The following CLIP2 variants were observed in gnomAD, a reference collection of about 807,000 sequenced individuals.
CLIP2 encodes CAP-Gly domain-containing linker protein 2.
Under a neutral mutation model 111.7 loss-of-function variants are expected in CLIP2, and 41 were observed. That is an observed-to-expected ratio of 0.37 (90% confidence interval 0.29 to 0.48). The LOEUF is 0.48. Among genes scored for constraint, CLIP2 ranks in the 20% least tolerant of loss-of-function variants. CLIP2 has a pLI of 0.99. For synonymous variants in CLIP2, 660 were observed against 644.2 expected, an observed-to-expected ratio of 1.02 and a Z score of -0.37; for missense variants, 1,160 against 1,422.1, an observed-to-expected ratio of 0.82 and a Z score of 2.96.
chr7:74,371,099 C>G (rs1790602608), intron 8 of CLIP2, among the ~76,000 whole-genome samples: 1 of 152,052 alleles, frequency 6.6e-6, no homozygotes, highest in Non-Finnish European at 1.5e-5. Flanking sequence ...CAAAAGTTAG[C>G]TGGGCATGAT....
intron 8 of CLIP2, among the ~76,000 whole-genome samples, chr7:74,365,364 C>T (rs1166707522): frequency 2.6e-5 from 4 of 152,122 alleles, no homozygotes; most frequent in Admixed American, 1.3e-4. Context: ...GAAACAGCAT[C>T]GGGAGCTAAG....
intron 6 of CLIP2, among the ~76,000 whole-genome samples, chr7:74,359,019 C>G (rs113084376): frequency 6.6e-4 from 100 of 152,212 alleles, no homozygotes; most frequent in African/African-American, 2.2e-3. Flanking sequence ...GGCTGGAGTG[C>G]AGTAACACGA....
At chr7:74,362,419 T>G (rs987736694) in intron 7 of CLIP2, among the ~76,000 whole-genome samples, 1 of 152,154 alleles carries the variant, frequency 6.6e-6, no homozygotes, top group Non-Finnish European at 1.5e-5. Flanking sequence ...TTCAGGGAGA[T>G]GAGGGTGTAT....
At chr7:74,345,041 G>C (rs906096815) in intron 3 of CLIP2, among the ~76,000 whole-genome samples, 1 of 152,142 alleles carries the variant, frequency 6.6e-6, no homozygotes, top group Admixed American at 6.6e-5. Flanking sequence ...CTGAACTTCA[G>C]TCTCTTCTTC....
intron 13 of CLIP2, among the ~76,000 whole-genome samples, chr7:74,390,205 GAAA>G (rs1562726923): frequency 1.9e-4 from 19 of 99,206 alleles, no homozygotes; most frequent in Middle Eastern, 5.9e-3. Flanking sequence ...AAGAAAGAAA[GAAA>G]GAAAGAAAGA....
chr7:74,360,282 C>G lies in CLIP2; in HGVS notation c.1319+4C>G, dbSNP rs1028404979. 6.3e-7 allele frequency: 1 copy of G among 1,586,420 alleles called. No homozygotes were observed. Among genetic ancestry groups the G allele is most frequent in the Non-Finnish European group, 8.6e-7 (1 of 1,165,156 alleles). On this transcript the variant is annotated splice_donor_region_variant and intron_variant, in intron 7 of 16. Transcript: ENST00000223398. ...ACCAGCTGGAGGAGGAGAGGAGGTA[C>G]GTGCTGGCCCACCCTCGCCCTGGCC...
intron 13 of CLIP2, among the ~76,000 whole-genome samples, chr7:74,392,310 C>T (rs1227105174): frequency 1.5e-4 from 22 of 149,096 alleles, no homozygotes; most frequent in African/African-American, 3.0e-4. Context: ...AAGATCACGC[C>T]GCTGCACTCC....
At chr7:74,341,597 CTT>C (rs201360817) in intron 3 of CLIP2, among the ~76,000 whole-genome samples, 20 of 142,680 alleles carry the variant, frequency 1.4e-4, no homozygotes, top group Admixed American at 1.4e-4. Flanking sequence ...CTTTTCTTTT[CTT>C]TTTTTTTTTT....
chr7:74,356,596 G>C lies in CLIP2; in HGVS notation c.990G>C (p.Val330=), dbSNP rs373079360. 1.3e-4 allele frequency: 208 copies of C among 1,613,900 alleles called. No individual in the cohort carries two copies. Among genetic ancestry groups the C allele is most frequent in the African/African-American group, 1.3e-3 (94 of 75,030 alleles). ...ISSVSSVASS[V]GGRPSRSGLL... ...CCGTCAGCTCTGTGGCCTCCTCCGT[G>C]GGGGGTCGGCCCAGCCGCAGTGGCC... Residue 330 remains valine (V), a synonymous_variant, in exon 5 of 17, where the codon GTG becomes GTC. Coordinates refer to ENST00000223398, the MANE Select transcript of CLIP2 (RefSeq NM_003388.5).
intron 3 of CLIP2, among the ~76,000 whole-genome samples, chr7:74,340,254 G>A (rs1789620205): frequency 6.6e-6 from 1 of 152,082 alleles, no homozygotes; most frequent in Non-Finnish European, 1.5e-5. Flanking sequence ...AAATTAGCTG[G>A]CTGTGATGGC....
chr7:74,399,554 G>A (rs1388458045), intron 14 of CLIP2, among the ~76,000 whole-genome samples: 2 of 104,464 alleles, frequency 1.9e-5, no homozygotes, highest in Non-Finnish European at 4.0e-5. Flanking sequence ...GGGGGGGGGG[G>A]GTGGGGACCA....
chr7:74,358,714 T>C (rs1387897411), intron 6 of CLIP2, among the ~76,000 whole-genome samples: 2 of 151,744 alleles, frequency 1.3e-5, no homozygotes, highest in Non-Finnish European at 2.9e-5. Context: ...GGACTATAGG[T>C]GCACGCTACC....
chr7:74,341,884 T>A (rs1321567664), intron 3 of CLIP2, among the ~76,000 whole-genome samples: 1 of 152,260 alleles, frequency 6.6e-6, no homozygotes, highest in African/African-American at 2.4e-5. Flanking sequence ...ACGAGGCCAG[T>A]GATCGCAGAC....
At chr7:74,357,583 A>G in intron 6 of CLIP2, 106 bp downstream of exon 6, 1 of 971,586 alleles carries the variant, frequency 1.0e-6, no homozygotes, top group Non-Finnish European at 1.6e-6. Context: ...AGAAATATGA[A>G]GATAACACAA....
Position 74,400,368 on chromosome 7 carries a change from A to G in CLIP2, c.2881-2A>G. On this transcript the variant is annotated splice_acceptor_variant, in intron 14 of 16. Coordinates refer to ENST00000223398, the MANE Select transcript of CLIP2 (RefSeq NM_003388.5). LOFTEE classifies it high-confidence loss of function. Reference sequence around the variant, plus strand: ...ACTCTTCCACTCTCCTGCCACTTCCAGGACAAAGAGAAATCCCTGTCGGAT... The same window carrying G: ...ACTCTTCCACTCTCCTGCCACTTCCGGGACAAAGAGAAATCCCTGTCGGAT... 6.2e-7 allele frequency: 1 copy of G among 1,602,412 alleles called. No homozygotes were observed. The highest frequency in any genetic ancestry group is 8.5e-7 in the Non-Finnish European group (1 of 1,172,618).
chr7:74,362,050 G>A (rs1195781024), intron 7 of CLIP2, among the ~76,000 whole-genome samples: 6 of 150,924 alleles, frequency 4.0e-5, no homozygotes, highest in Middle Eastern at 3.4e-3. Context: ...GCAGTGAACC[G>A]AGATCACACC....
At chr7:74,372,202 G>A (rs140568364) in intron 8 of CLIP2, among the ~76,000 whole-genome samples, 95 of 152,192 alleles carry the variant, frequency 6.2e-4, no homozygotes, top group African/African-American at 2.1e-3. Context: ...TTGTCGAGCT[G>A]GGACAAAAGT....
chr7:74,388,327 TCA>T (rs563936195), intron 12 of CLIP2, among the ~76,000 whole-genome samples: 10 of 151,168 alleles, frequency 6.6e-5, no homozygotes, highest in Non-Finnish European at 1.3e-4. Context: ...TGAGACTCTA[TCA>T]CACACACACA....
chr7:74,386,049 T>TA (rs1791086356), intron 11 of CLIP2, among the ~76,000 whole-genome samples: 1 of 144,556 alleles, frequency 6.9e-6, no homozygotes, highest in Non-Finnish European at 1.5e-5. Context: ...GCCTCTTTTT[T>TA]TTTTTTTTTT....
Sources: allele counts gnomAD v4.1 joint callset (sites outside exome capture counted in the v4.1 genomes callset), GRCh38; gene constraint gnomAD v4.1.1; transcripts MANE v1.5; gene names NCBI Gene and HGNC (gene_info 2026-07-23, HGNC 2026-07-21).